Variants in TMEM156 observed in about 807,000 individuals in gnomAD.
The protein encoded by TMEM156 is transmembrane protein 156.
TMEM156 carries 28 observed loss-of-function variants against 30.5 expected under a neutral mutation model. That is an observed-to-expected ratio of 0.92 (90% confidence interval 0.68 to 1.26). TMEM156 has a LOEUF of 1.26. Ranked by LOEUF, TMEM156 falls within the 50% of genes most tolerant of loss-of-function variation. TMEM156 has a pLI of 0.00. For synonymous variants in TMEM156, 137 were observed against 119.9 expected (o/e 1.14, Z -0.93); for missense variants, 351 against 340.6 (o/e 1.03, Z -0.24).
chr4:38,969,060 A>G (rs1722474875), intron 6 of TMEM156, among the ~76,000 whole-genome samples: 1 of 152,252 alleles, frequency 6.6e-6, no homozygotes, highest in Non-Finnish European at 1.5e-5. Context: ...CATAGTGATT[A>G]GTGATCAAGT....
At chr4:39,011,239 T>G (rs560758121) in intron 1 of TMEM156, among the ~76,000 whole-genome samples, 1 of 152,302 alleles carries the variant, frequency 6.6e-6, no homozygotes, top group African/African-American at 2.4e-5. Flanking sequence ...TGACTATTAT[T>G]TAAAAAATCA....
At chr4:39,008,410 A>G (rs1713889195) in intron 1 of TMEM156, among the ~76,000 whole-genome samples, 1 of 152,164 alleles carries the variant, frequency 6.6e-6, no homozygotes, top group Non-Finnish European at 1.5e-5. Flanking sequence ...AATGTAGTGA[A>G]TTACATTATT....
At chr4:38,994,122 T>A (rs976290140) in intron 2 of TMEM156, 124 bp from the exon 3 acceptor site, 1 of 830,964 alleles carries the variant, frequency 1.2e-6, no homozygotes, top group Non-Finnish European at 1.8e-6. Context: ...TTTCCTACAC[T>A]AAAAATATAT....
At chr4:39,001,172 C>G (rs1223289044) in intron 1 of TMEM156, among the ~76,000 whole-genome samples, 1 of 145,978 alleles carries the variant, frequency 6.9e-6, no homozygotes, top group Non-Finnish European at 1.5e-5. Context: ...AGATGGAGAC[C>G]ATCCTGGCTA....
intron 5 of TMEM156, among the ~76,000 whole-genome samples, chr4:38,977,203 C>A (rs1377178625): frequency 6.6e-6 from 1 of 152,156 alleles, no homozygotes; most frequent in Admixed American, 6.5e-5. Context: ...CTGGGCCCAG[C>A]TGAGATCATT....
intron 3 of TMEM156, among the ~76,000 whole-genome samples, chr4:38,990,164 G>C (rs558917313): frequency 6.6e-6 from 1 of 152,334 alleles, no homozygotes; most frequent in East Asian, 1.9e-4. Flanking sequence ...TAGTACTTAT[G>C]CACCTTAGCA....
At chr4:38,983,952 T>C (rs1274907948) in intron 5 of TMEM156, among the ~76,000 whole-genome samples, 1 of 152,224 alleles carries the variant, frequency 6.6e-6, no homozygotes, top group African/African-American at 2.4e-5. Context: ...TTAATAAGCT[T>C]TTATAGTGCC....
intron 5 of TMEM156, among the ~76,000 whole-genome samples, chr4:38,980,112 T>C (rs1723105061): frequency 6.6e-6 from 1 of 151,944 alleles, no homozygotes; most frequent in South Asian, 2.1e-4. Context: ...ACTAGTCATC[T>C]GCTCCAAATC....
chr4:39,020,529 C>A (rs964402006), intron 1 of TMEM156, among the ~76,000 whole-genome samples: 1 of 151,974 alleles, frequency 6.6e-6, no homozygotes, highest in Non-Finnish European at 1.5e-5. Context: ...TGTCATTGTG[C>A]CTTATTAGTA....
intron 5 of TMEM156, among the ~76,000 whole-genome samples, chr4:38,984,728 C>T (rs569710915): frequency 6.6e-6 from 1 of 152,258 alleles, no homozygotes; most frequent in South Asian, 2.1e-4. Context: ...AAGAAAGAGT[C>T]TGCCTCTTTC....
chr4:39,016,311 T>G (rs1160719167), intron 1 of TMEM156, among the ~76,000 whole-genome samples: 1 of 151,216 alleles, frequency 6.6e-6, no homozygotes, highest in Non-Finnish European at 1.5e-5. Flanking sequence ...AGGCAGAGGT[T>G]GCAGTGAGCT....
At chr4:39,031,964 G>A (rs1715547094) in intron 1 of TMEM156, among the ~76,000 whole-genome samples, 2 of 149,370 alleles carry the variant, frequency 1.3e-5, no homozygotes, top group African/African-American at 4.9e-5. Context: ...TGCAATTATT[G>A]TAATCTCAAT....
Position 38,977,066 on chromosome 4 carries a change from G to T in TMEM156, c.824-5929C>A, listed in dbSNP as rs562988886. On this transcript the variant is annotated intron_variant, in intron 5 of 6. Transcript: ENST00000381938. ...GACTGCAAGCGTGCACCACCACACC[G>T]GCTAATTTTTGTATTTTTAGTAGAG... is the stretch of plus-strand genomic sequence containing the variant. 1.5e-4 allele frequency among the ~76,000 whole-genome samples: 23 copies of T among 152,128 alleles called. No homozygotes were observed. In the South Asian group the frequency reaches 4.8e-3, roughly 32 times the overall value.
chr4:39,017,469 G>A (rs375313481), intron 1 of TMEM156, among the ~76,000 whole-genome samples: 24 of 151,816 alleles, frequency 1.6e-4, no homozygotes, highest in African/African-American at 1.9e-4. Context: ...GTGAGCCACC[G>A]CACCCAGCCC....
At chr4:38,989,211 A>G (rs1712239658) in intron 3 of TMEM156, among the ~76,000 whole-genome samples, 1 of 152,238 alleles carries the variant, frequency 6.6e-6, no homozygotes, top group South Asian at 2.1e-4. Flanking sequence ...CCAAAATTCT[A>G]GGATTCCTTT....
chr4:38,994,708 G>A (rs1329399940), intron 2 of TMEM156, among the ~76,000 whole-genome samples: 1 of 152,170 alleles, frequency 6.6e-6, no homozygotes, highest in Non-Finnish European at 1.5e-5. Context: ...AGCCCTTTAG[G>A]AGGCCGAGGC....
In TMEM156 at chr4:38,986,882, T is replaced by C. The variant is rs185525099; in HGVS notation, c.740-463A>G. 1.1e-3 allele frequency among the ~76,000 whole-genome samples: 137 copies of C among 125,916 alleles called. No individual in the cohort carries two copies. The Middle Eastern group carries it at 0.014, about 12-fold the overall frequency. 82.6% of individuals were successfully genotyped at this position (125,916 alleles called of 152,430 possible). A position where few individuals can be genotyped will look rare whatever the true frequency, so the allele number is the denominator to read the frequency against. On this transcript the variant is annotated intron_variant, in intron 4 of 6. Coordinates refer to ENST00000381938, the MANE Select transcript of TMEM156 (RefSeq NM_024943.3). ...GCGACAGCTCTTATACACAGAAAAG[T>C]ATATTTTTATCTTATTATATACATA...
At chr4:39,015,949 C>T (rs532199788) in intron 1 of TMEM156, among the ~76,000 whole-genome samples, 18 of 152,260 alleles carry the variant, frequency 1.2e-4, no homozygotes, top group African/African-American at 4.1e-4. Flanking sequence ...TCCCCAGCCA[C>T]GTGGAACTGT....
intron 1 of TMEM156, among the ~76,000 whole-genome samples, chr4:39,008,265 C>T (rs967229489): frequency 2.6e-5 from 4 of 151,994 alleles, no homozygotes; most frequent in Admixed American, 6.6e-5. Context: ...TTTAGATGCC[C>T]TTTAGCAATT....
Sources: allele counts gnomAD v4.1 joint callset (sites outside exome capture counted in the v4.1 genomes callset), GRCh38; gene constraint gnomAD v4.1.1; transcripts MANE v1.5; gene names NCBI Gene and HGNC (gene_info 2026-07-23, HGNC 2026-07-21).